Variants in TMPRSS11A observed in about 807,000 individuals in gnomAD.
The protein encoded by TMPRSS11A is transmembrane protease serine 11A.
Under a neutral mutation model 58.9 loss-of-function variants are expected in TMPRSS11A, and 53 were observed. The observed-to-expected ratio is 0.90, with a 90% CI of 0.72 to 1.13. TMPRSS11A has a LOEUF of 1.13. Among genes scored for constraint, TMPRSS11A ranks in the 50% most tolerant of loss-of-function variants. The pLI is 0.00. For synonymous variants in TMPRSS11A, 167 were observed against 169.8 expected (o/e 0.98, Z 0.13); for missense variants, 493 against 499.3 (o/e 0.99, Z 0.12).
At chr4:67,953,075 C>T (rs1560574530) in intron 1 of TMPRSS11A, among the ~76,000 whole-genome samples, 2 of 152,072 alleles carry the variant, frequency 1.3e-5, no homozygotes, top group Non-Finnish European at 2.9e-5. Context: ...CTGGGTCCCT[C>T]GCATGTGCAG....
chr4:67,917,016 A>G (rs1720177180), intron 8 of TMPRSS11A, among the ~76,000 whole-genome samples: 1 of 152,092 alleles, frequency 6.6e-6, no homozygotes, highest in Admixed American at 6.6e-5. Flanking sequence ...CCTGAGCTAT[A>G]TCTCATCTTC....
At chr4:67,930,973 A>G (rs1720601692) in intron 4 of TMPRSS11A, among the ~76,000 whole-genome samples, 1 of 151,996 alleles carries the variant, frequency 6.6e-6, no homozygotes, top group African/African-American at 2.4e-5. Context: ...ATTTTATGTC[A>G]AATTGGCAAA....
rs566113328 is a variant in TMPRSS11A, at chr4:67,914,817, A to G, written c.953-87T>C. The G allele has an allele frequency of 2.0e-3, 2,388 of 1,205,718 alleles. 5 individuals carry two copies. Among genetic ancestry groups the G allele is most frequent in the Non-Finnish European group, 2.7e-3 (2,300 of 855,846 alleles). The allele number at this position is 1,205,718 out of a possible 1,614,324, so 74.7% of individuals were successfully genotyped here. A position where few individuals can be genotyped will look rare whatever the true frequency, so the allele number is the denominator to read the frequency against. On this transcript the variant is annotated intron_variant, in intron 8 of 9. Transcript: ENST00000508048. ...AGCAGACTTTCCTAATATTTTTTTC[A>G]TGGTAAAATTGTCAATACAGAATGA...
intron 6 of TMPRSS11A, 124 bp from the exon 7 acceptor site, chr4:67,923,050 C>G (rs1217323277): frequency 5.0e-6 from 4 of 799,120 alleles, no homozygotes; most frequent in African/African-American, 1.7e-5. Flanking sequence ...CTTACCCCAC[C>G]TGTCACTGGA....
chr4:67,919,066 C>A lies in TMPRSS11A; in HGVS notation c.859G>T (p.Asp287Tyr), dbSNP rs1463990025. ...QVSSRVTFSD[D>Y]IRQICLPEAS... ...TCTGGCAAACAAATCTGGCGTATGT[C>A]ATCCGAAAAGGTGACTCTGGAAGAG... The change falls in exon 8 of 10, where the codon GAC (aspartate) becomes TAC (tyrosine). Residue 287 changes from aspartate to tyrosine, a missense_variant. Physicochemically the swap from Asp to Tyr is radical, Grantham distance 160. Transcript: ENST00000508048. The A allele has an allele frequency of 6.2e-7, 1 of 1,614,068 alleles. No homozygotes were observed. The highest frequency in any genetic ancestry group is 8.5e-7 in the Non-Finnish European group (1 of 1,180,038).
At chr4:67,951,719 C>T (rs991620130) in intron 1 of TMPRSS11A, among the ~76,000 whole-genome samples, 2 of 151,948 alleles carry the variant, frequency 1.3e-5, no homozygotes, top group Non-Finnish European at 2.9e-5. Flanking sequence ...GTCCAAAATA[C>T]ACTATCTGAT....
Position 67,924,111 on chromosome 4 carries a change from A to G in TMPRSS11A, c.520+17T>C, listed in dbSNP as rs764974472. On this transcript the variant is annotated intron_variant, in intron 6 of 9. Coordinates refer to ENST00000508048, the MANE Select transcript of TMPRSS11A (RefSeq NM_001114387.2). Reference sequence around the variant, plus strand: ...ATGTGAAAATTGAACTTGTTTATATAAGCTAACTTGACTTACTTGCTTGGA... The same window carrying G: ...ATGTGAAAATTGAACTTGTTTATATGAGCTAACTTGACTTACTTGCTTGGA... The G allele has an allele frequency of 1.6e-5, 26 of 1,609,176 alleles. 1 individual carries two copies. In the South Asian group the frequency reaches 2.5e-4, roughly 16 times the overall value.
chr4:67,920,015 G>T (rs6552129), intron 7 of TMPRSS11A, among the ~76,000 whole-genome samples: 75,794 of 151,962 alleles, frequency 0.5, 19,734 homozygotes, highest in East Asian at 0.68. Context: ...AAAACATGTT[G>T]GTTCTTTCTG....
intron 3 of TMPRSS11A, among the ~76,000 whole-genome samples, chr4:67,940,943 A>G (rs1372994492): frequency 6.6e-6 from 1 of 152,126 alleles, no homozygotes; most frequent in Non-Finnish European, 1.5e-5. Flanking sequence ...CTCAAAGTGC[A>G]TGCTGTCAGT....
In TMPRSS11A at chr4:67,961,508, T is replaced by C. The variant is rs1204333581; in HGVS notation, c.11+1875A>G. The stretch of plus-strand genomic sequence containing the variant: ...CTTTTTTTTTTTTTTTTTTTTTTTT[T>C]TTTTTTTTTTTTTTTTTTTTTGAGA... On this transcript the variant is annotated intron_variant, in intron 1 of 9. Coordinates refer to ENST00000508048, the MANE Select transcript of TMPRSS11A (RefSeq NM_001114387.2). Among the ~76,000 whole-genome samples the C allele has an allele frequency of 7.6e-3, 505 of 66,172 alleles. 62 individuals are homozygous for C. Among genetic ancestry groups the C allele is most frequent in the African/African-American group, 0.018 (299 of 16,278 alleles). The allele number at this position is 66,172 out of a possible 152,430, so 43.4% of individuals were successfully genotyped here. A position where few individuals can be genotyped will look rare whatever the true frequency, so the allele number is the denominator to read the frequency against.
chr4:67,912,096 T>C (rs143409469), intron 9 of TMPRSS11A, among the ~76,000 whole-genome samples: 1 of 152,146 alleles, frequency 6.6e-6, no homozygotes, highest in Non-Finnish European at 1.5e-5. Flanking sequence ...TACAGAAATC[T>C]TTTTTTGCTT....
intron 8 of TMPRSS11A, among the ~76,000 whole-genome samples, chr4:67,915,402 A>G (rs181914450): frequency 0.011 from 1,677 of 152,212 alleles, 23 homozygotes; most frequent in South Asian, 0.021. Flanking sequence ...CCATGACCCC[A>G]TGGTTGGCAG....
intron 1 of TMPRSS11A, among the ~76,000 whole-genome samples, chr4:67,948,454 G>A (rs903774127): frequency 1.3e-5 from 2 of 151,982 alleles, no homozygotes; most frequent in Non-Finnish European, 2.9e-5. Context: ...CACTGCACCC[G>A]GTCTTACAAA....
At chr4:67,934,810 G>A (rs1258577529) in intron 3 of TMPRSS11A, among the ~76,000 whole-genome samples, 1 of 152,122 alleles carries the variant, frequency 6.6e-6, no homozygotes, top group African/African-American at 2.4e-5. Flanking sequence ...CATGTTGCCT[G>A]CTTTTCTCTG....
Position 67,911,115 on chromosome 4 carries a change from A to G in TMPRSS11A, c.*227T>C, listed in dbSNP as rs532235391. 4 of 396,860 alleles carry G rather than the reference A, an allele frequency of 1.0e-5. No homozygotes were observed. Among genetic ancestry groups the G allele is most frequent in the African/African-American group, 8.0e-5 (4 of 50,030 alleles). 24.6% of individuals were successfully genotyped at this position (396,860 alleles called of 1,614,324 possible). ...GTGATTTAAAGAGCTAAGTATCTCT[A>G]CCGTATTTTTCAAGCCAGATCCATT... On this transcript the variant is annotated 3_prime_UTR_variant, in exon 10 of 10. Coordinates refer to ENST00000508048, the MANE Select transcript of TMPRSS11A (RefSeq NM_001114387.2).
chr4:67,937,401 T>G (rs1044258966), intron 3 of TMPRSS11A, among the ~76,000 whole-genome samples: 1 of 152,226 alleles, frequency 6.6e-6, no homozygotes, highest in Non-Finnish European at 1.5e-5. Context: ...GTATACCTAA[T>G]GTATCTGTCA....
Position 67,944,543 on chromosome 4 carries a change from G to A in TMPRSS11A, c.228C>T (p.Asp76=), listed in dbSNP as rs758100391. Residue 76 remains aspartate (D), a synonymous_variant, in exon 3 of 10, where the codon GAC becomes GAT. Transcript: ENST00000508048. ...FGQSNTYQLK[D]LRETTENLVD... ...CCAAATTTTCGGTCGTCTCTCGTAA[G>A]TCCTTAAGTTGATATGTGTTGCTTT... The A allele has an allele frequency of 1.2e-6, 2 of 1,612,184 alleles. No homozygotes were observed. The highest frequency in any genetic ancestry group is 1.7e-6 in the Non-Finnish European group (2 of 1,179,030).
intron 5 of TMPRSS11A, among the ~76,000 whole-genome samples, chr4:67,929,306 G>C (rs1027659016): frequency 6.6e-6 from 1 of 151,782 alleles, no homozygotes; most frequent in South Asian, 2.1e-4. Context: ...ATGGGCTAAG[G>C]GTGAACAAAA....
chr4:67,933,036 A>T (rs1720667161), intron 3 of TMPRSS11A, among the ~76,000 whole-genome samples: 2 of 151,950 alleles, frequency 1.3e-5, no homozygotes, highest in Admixed American at 1.3e-4. Flanking sequence ...GGACAGAAGA[A>T]CCAAATGTGC....
Sources: allele counts gnomAD v4.1 joint callset (sites outside exome capture counted in the v4.1 genomes callset), GRCh38; gene constraint gnomAD v4.1.1; transcripts MANE v1.5; gene names NCBI Gene and HGNC (gene_info 2026-07-23, HGNC 2026-07-21).